The following DNAH3 variants were observed in gnomAD, a reference collection of about 807,000 sequenced individuals.
DNAH3 encodes axonemal beta dynein heavy chain 3.
Under a neutral mutation model 432.5 loss-of-function variants are expected in DNAH3, and 332 were observed. That is an observed-to-expected ratio of 0.77 (90% CI 0.70 to 0.84). The LOEUF is 0.84. DNAH3 is among the 40% of genes least tolerant of loss of function. DNAH3 has a pLI of 0.00. For synonymous variants in DNAH3, 1,956 were observed against 1,900.2 expected, an observed-to-expected ratio of 1.03 and a Z score of -0.76; for missense variants, 4,861 against 5,114.0, an observed-to-expected ratio of 0.95 and a Z score of 1.51.
intron 61 of DNAH3, among the ~76,000 whole-genome samples, chr16:20,934,650 G>A (rs2083523880): frequency 6.6e-6 from 1 of 152,172 alleles, no homozygotes; most frequent in Non-Finnish European, 1.5e-5. Context: ...ATTGTAAGTT[G>A]AACCATTGCA....
chr16:21,071,040 A>G (rs2090762381), intron 21 of DNAH3, among the ~76,000 whole-genome samples: 1 of 150,546 alleles, frequency 6.6e-6, no homozygotes, highest in East Asian at 2.0e-4. Flanking sequence ...ATATGCCACC[A>G]TGCCTGGATT....
At chr16:20,980,161 A>AG (rs1246457246) in intron 49 of DNAH3, among the ~76,000 whole-genome samples, 14 of 108,640 alleles carry the variant, frequency 1.3e-4, no homozygotes, top group Admixed American at 4.0e-4. Context: ...CTGACTTTGT[A>AG]GAAAAAAAAA....
chr16:21,131,475 G>GAAAAA (rs1555570378), intron 7 of DNAH3, among the ~76,000 whole-genome samples: 1 of 17,946 alleles, frequency 5.6e-5, no homozygotes. Flanking sequence ...AAGGAAGGAA[G>GAAAAA]GAAGAAAGAA....
chr16:21,093,556 G>A (rs767495391), intron 18 of DNAH3, among the ~76,000 whole-genome samples: 1 of 152,042 alleles, frequency 6.6e-6, no homozygotes, highest in Non-Finnish European at 1.5e-5. Flanking sequence ...GAGTTTTTTG[G>A]TATGTATAGA....
At position 21,146,049 on chromosome 16, in the gene DNAH3, G is replaced by A. The variant is rs751616234; in HGVS notation, c.157C>T (p.Gln53Ter). ...AGAGGAGGCAGCTCTGGCTGCCCCT[G>A]GGAGTGGCTCATGTGATGTATGGAG... The change falls in exon 2 of 62, where the codon CAG (glutamine) becomes TAG (stop). Residue 53 changes from glutamine (Q) to a stop codon, truncating the protein, a stop_gained. Transcript: ENST00000261383. LOFTEE classifies it high-confidence loss of function. 3.1e-6 allele frequency: 5 copies of A among 1,613,776 alleles called. No individual in the cohort carries two copies. In the Admixed American group the frequency reaches 5.0e-5, roughly 16 times the overall value.
intron 21 of DNAH3, among the ~76,000 whole-genome samples, chr16:21,072,211 C>T (rs1165315896): frequency 6.9e-6 from 1 of 144,186 alleles, no homozygotes; most frequent in Non-Finnish European, 1.5e-5. Flanking sequence ...AGTTTGGGGA[C>T]CTTTGTTTAA....
chr16:21,031,120 C>T (rs2088847816), exon 37 of DNAH3: 5 of 1,614,146 alleles, frequency 3.1e-6, no homozygotes, highest in Non-Finnish European at 4.2e-6. Flanking sequence ...ATATAATCCA[C>T]TTGCGATCAT....
intron 29 of DNAH3, among the ~76,000 whole-genome samples, chr16:21,050,653 G>A (rs1033866249): frequency 2.0e-5 from 3 of 152,056 alleles, no homozygotes; most frequent in Admixed American, 6.6e-5. Flanking sequence ...TTGCCCAAGC[G>A]GGTTGGTCTC....
At chr16:20,989,037 G>A (rs899233983) in intron 44 of DNAH3, among the ~76,000 whole-genome samples, 2 of 152,248 alleles carry the variant, frequency 1.3e-5, no homozygotes, top group African/African-American at 2.4e-5. Context: ...GACCCACAGA[G>A]TGAGCACCAG....
intron 18 of DNAH3, among the ~76,000 whole-genome samples, chr16:21,096,236 C>T (rs528686686): frequency 6.6e-6 from 1 of 151,624 alleles, no homozygotes; most frequent in South Asian, 2.1e-4. Context: ...TGGGCTCAAG[C>T]GTTCCTCCCA....
At chr16:20,973,157 A>G (rs1470833210) in intron 51 of DNAH3, among the ~76,000 whole-genome samples, 1 of 151,796 alleles carries the variant, frequency 6.6e-6, no homozygotes, top group Non-Finnish European at 1.5e-5. Flanking sequence ...AGTGCCATGA[A>G]CCTTGGCTTC....
chr16:21,117,071 G>C (rs949244686), intron 12 of DNAH3, 132 bp downstream of exon 12: 2 of 620,138 alleles, frequency 3.2e-6, no homozygotes, highest in African/African-American at 3.7e-5. Flanking sequence ...TAATACTCAT[G>C]TAAGTATTGG....
intron 23 of DNAH3, among the ~76,000 whole-genome samples, chr16:21,067,765 G>GC (rs1484804410): frequency 2.2e-5 from 2 of 89,904 alleles, no homozygotes; most frequent in African/African-American, 4.4e-5. Flanking sequence ...CTTGGGGGGG[G>GC]GGGTGGGGAG....
intron 22 of DNAH3, among the ~76,000 whole-genome samples, 195 bp from the exon 23 acceptor site, chr16:21,069,789 C>T (rs533773986): frequency 2.3e-4 from 35 of 152,190 alleles, no homozygotes; most frequent in Non-Finnish European, 3.8e-4. Context: ...GAATGAAACA[C>T]ACAAGAGCTT....
rs750421351 is a variant in DNAH3, at chr16:21,136,536, G to A, written c.697-23C>T. On this transcript the variant is annotated intron_variant, in intron 5 of 61. Transcript: ENST00000261383. Reference sequence around the variant, plus strand: ...TCTCTTCCATAAACAAACCACCAGCGAGAAAATGGTCATGATTGGATCATG... The same window carrying A: ...TCTCTTCCATAAACAAACCACCAGCAAGAAAATGGTCATGATTGGATCATG... 12 of 1,610,090 alleles carry A rather than the reference G, an allele frequency of 7.5e-6. No individual in the cohort carries two copies. The Middle Eastern group carries it at 6.6e-4, about 88-fold the overall frequency.
chr16:21,055,574 G>A (rs1330069796), intron 27 of DNAH3, among the ~76,000 whole-genome samples: 2 of 151,894 alleles, frequency 1.3e-5, no homozygotes, highest in Non-Finnish European at 2.9e-5. Flanking sequence ...TAAGTTTCAT[G>A]TTATTTCAAA....
chr16:21,148,604 C>T (rs956957967), intron 1 of DNAH3, among the ~76,000 whole-genome samples: 4 of 151,928 alleles, frequency 2.6e-5, no homozygotes, highest in Admixed American at 1.3e-4. Flanking sequence ...ACGCTGTTCT[C>T]GGGATAATGA....
In DNAH3 at chr16:20,963,941, C is replaced by A; in HGVS notation, c.9943G>T (p.Glu3315Ter). The stretch of plus-strand genomic sequence containing the variant: ...GTCAGGGAGTACTGGTACATCGGCT[C>A]GATGTTGGCCAGGTCCGAGATACAA... Residue 3315 changes from glutamate to a stop codon, truncating the protein, a stop_gained, in exon 53 of 62, where the codon GAG becomes TAG. Transcript: ENST00000261383. LOFTEE classifies it high-confidence loss of function. 6.2e-7 allele frequency: 1 copy of A among 1,614,070 alleles called. No homozygotes were observed. Among genetic ancestry groups the A allele is most frequent in the Non-Finnish European group, 8.5e-7 (1 of 1,180,022 alleles).
rs1278908186 is a variant in DNAH3, at chr16:20,982,900, G to T, written c.7680C>A (p.Ile2560=). Reference sequence around the variant, plus strand: ...TTGGACTCATGGCTAATGAAAAGGAGATTTTGTTAATTACCTTCCTCCAAG... The same window carrying T: ...TTGGACTCATGGCTAATGAAAAGGATATTTTGTTAATTACCTTCCTCCAAG... Residue 2560 remains isoleucine (I), a synonymous_variant, in exon 49 of 62, where the codon ATC becomes ATA. Transcript: ENST00000261383. The T allele has an allele frequency of 6.2e-7, 1 of 1,613,594 alleles. No individual in the cohort carries two copies. The highest frequency in any genetic ancestry group is 8.5e-7 in the Non-Finnish European group (1 of 1,179,658).
Sources: allele counts gnomAD v4.1 joint callset (sites outside exome capture counted in the v4.1 genomes callset), GRCh38; gene constraint gnomAD v4.1.1; transcripts MANE v1.5; gene names NCBI Gene and HGNC (gene_info 2026-07-23, HGNC 2026-07-21).